KCNAB1: variants seen among roughly 807,000 people sequenced by gnomAD.
KCNAB1 encodes the protein potassium voltage-gated channel subfamily A regulatory beta subunit 1.
A neutral mutation model predicts 64.6 loss-of-function variants in KCNAB1; 35 were observed. The observed-to-expected ratio is 0.54, with a 90% CI of 0.41 to 0.72. The LOEUF is 0.72. KCNAB1 is among the 30% of genes least tolerant of loss of function. The probability of loss-of-function intolerance (pLI) is 0.00; values close to 1 mark genes in which losing one functional copy is unlikely to be tolerated. For missense variants in KCNAB1, 401 were observed against 512.9 expected (o/e 0.78, Z 2.11); for synonymous variants, 177 against 183.8 (o/e 0.96, Z 0.30).
chr3:156,294,619 T>G (rs1033562382), intron 1 of KCNAB1, among the ~76,000 whole-genome samples: 1 of 152,198 alleles, frequency 6.6e-6, no homozygotes, highest in African/African-American at 2.4e-5. Context: ...TGATAACAAA[T>G]AGCAGAATAT....
chr3:156,208,432 G>C lies in KCNAB1; in HGVS notation c.275+87546G>C, dbSNP rs570443788. On this transcript the variant is annotated intron_variant, in intron 1 of 13. Transcript: ENST00000490337. The stretch of plus-strand genomic sequence containing the variant: ...GTAGCAGTGTGGAGTTAAAAATAAC[G>C]ACATCTTGTGAGACTAGGAAGGAGG... Among the ~76,000 whole-genome samples, 9 of 152,230 alleles carry C rather than the reference G, an allele frequency of 5.9e-5. No individual in the cohort carries two copies. In the South Asian group the frequency reaches 1.7e-3, roughly 28 times the overall value.
At chr3:156,358,663 CTTTCCATTTTTTT>C (rs1298199703) in intron 1 of KCNAB1, among the ~76,000 whole-genome samples, 1 of 139,792 alleles carries the variant, frequency 7.2e-6, no homozygotes, top group East Asian at 1.9e-4. Flanking sequence ...GGGTTTTTCT[CTTTCCATTTTTTT>C]TTTTAATTGA....
At chr3:156,209,715 G>A (rs1714895576) in intron 1 of KCNAB1, among the ~76,000 whole-genome samples, 1 of 152,176 alleles carries the variant, frequency 6.6e-6, no homozygotes, top group African/African-American at 2.4e-5. Flanking sequence ...TTGTGTGGGG[G>A]CTGACAAACA....
At chr3:156,524,167 A>T in intron 12 of KCNAB1, 1 of 478,040 alleles carries the variant, frequency 2.1e-6, no homozygotes, top group Non-Finnish European at 3.7e-6. Flanking sequence ...TGCTCTTATA[A>T]CATAGTTTAA....
intron 5 of KCNAB1, among the ~76,000 whole-genome samples, chr3:156,462,799 C>G (rs897030396): frequency 3.9e-5 from 6 of 152,184 alleles, no homozygotes; most frequent in African/African-American, 1.4e-4. Context: ...TTCTCTAGAC[C>G]AGTGCGATCA....
intron 1 of KCNAB1, among the ~76,000 whole-genome samples, chr3:156,259,062 AC>A: frequency 6.6e-6 from 1 of 152,216 alleles, no homozygotes. Context: ...CTGTAAATGA[AC>A]CTAGCAACAT....
chr3:156,321,944 C>G (rs532511016), intron 1 of KCNAB1, among the ~76,000 whole-genome samples: 1 of 152,244 alleles, frequency 6.6e-6, no homozygotes, highest in South Asian at 2.1e-4. Context: ...TCAAAACTAC[C>G]CTTGAAAATA....
In KCNAB1 at chr3:156,344,011, T is replaced by G. The variant is rs1392814628; in HGVS notation, c.276-77605T>G. The stretch of plus-strand genomic sequence containing the variant: ...GCTAAAACCACGTCTTGATTACATG[T>G]CTTCTTTTCTGATACCCAGTCAGCC... On this transcript the variant is annotated intron_variant, in intron 1 of 13. Transcript: ENST00000490337. Among the ~76,000 whole-genome samples, 3 of 152,152 alleles carry G rather than the reference T, an allele frequency of 2.0e-5. No homozygotes were observed. In the East Asian group the frequency reaches 5.8e-4, roughly 29 times the overall value.
intron 1 of KCNAB1, among the ~76,000 whole-genome samples, chr3:156,392,772 T>G (rs1243159177): frequency 3.9e-5 from 6 of 152,264 alleles, no homozygotes; most frequent in Non-Finnish European, 7.3e-5. Context: ...TTATATTATC[T>G]AACTTTAAAC....
chr3:156,158,962 G>GT (rs1715915921), intron 1 of KCNAB1, among the ~76,000 whole-genome samples: 2 of 152,102 alleles, frequency 1.3e-5, no homozygotes, highest in African/African-American at 4.8e-5. Context: ...GACTTCTGTA[G>GT]CTTCTGTGCT....
At chr3:156,292,807 T>C (rs1234583476) in intron 1 of KCNAB1, among the ~76,000 whole-genome samples, 1 of 152,242 alleles carries the variant, frequency 6.6e-6, no homozygotes, top group Non-Finnish European at 1.5e-5. Flanking sequence ...CCTCCCAAAG[T>C]GCTGGGATTA....
chr3:156,385,495 T>G (rs1257822938), intron 1 of KCNAB1, among the ~76,000 whole-genome samples: 1 of 149,592 alleles, frequency 6.7e-6, no homozygotes, highest in Non-Finnish European at 1.5e-5. Flanking sequence ...ACAATAAAAA[T>G]AATTATTTTA....
At chr3:156,441,366 A>C (rs4680272) in intron 2 of KCNAB1, 23 of 151,880 alleles carry the variant, frequency 1.5e-4, no homozygotes, top group African/African-American at 5.3e-4. Context: ...ATAAAAGAGG[A>C]CACATTGACT....
At chr3:156,312,691 T>G (rs1225842195) in intron 1 of KCNAB1, among the ~76,000 whole-genome samples, 1 of 78,024 alleles carries the variant, frequency 1.3e-5, no homozygotes, top group East Asian at 3.1e-4. Flanking sequence ...GGTGACAGAG[T>G]GAGACTGTCT....
intron 2 of KCNAB1, among the ~76,000 whole-genome samples, chr3:156,440,251 T>C (rs1224463692): frequency 1.3e-5 from 2 of 152,268 alleles, no homozygotes; most frequent in African/African-American, 2.4e-5. Flanking sequence ...AAAATATTTA[T>C]ATTTTTTGAT....
intron 1 of KCNAB1, among the ~76,000 whole-genome samples, chr3:156,298,870 T>C (rs1720968132): frequency 6.6e-6 from 1 of 152,222 alleles, no homozygotes; most frequent in Non-Finnish European, 1.5e-5. Flanking sequence ...AACCAGTTTT[T>C]CACTTTTTTA....
At position 156,143,991 on chromosome 3, in the gene KCNAB1, A is replaced by T. The variant is rs529749869; in HGVS notation, c.275+23105A>T. 4.6e-5 allele frequency among the ~76,000 whole-genome samples: 7 copies of T among 152,068 alleles called. No individual in the cohort carries two copies. The East Asian group carries it at 1.3e-3, about 29-fold the overall frequency. On this transcript the variant is annotated intron_variant, in intron 1 of 13. Coordinates refer to ENST00000490337, the MANE Select transcript of KCNAB1 (RefSeq NM_172160.3). The stretch of plus-strand genomic sequence containing the variant: ...ATTACTGGTTGTACACTAAACTTCC[A>T]ATATCATTATTTATTTTATGAAAGA...
chr3:156,136,378 A>AT (rs1437229608), intron 1 of KCNAB1, among the ~76,000 whole-genome samples: 1 of 152,208 alleles, frequency 6.6e-6, no homozygotes, highest in African/African-American at 2.4e-5. Context: ...TAGTGGCAAG[A>AT]TTTGAACCCA....
chr3:156,162,629 T>G (rs531316875), intron 1 of KCNAB1, among the ~76,000 whole-genome samples: 2 of 152,318 alleles, frequency 1.3e-5, no homozygotes, highest in Admixed American at 6.5e-5. Flanking sequence ...TCTGTGAAAT[T>G]CCTTCAGATA....
Sources: allele counts gnomAD v4.1 joint callset (sites outside exome capture counted in the v4.1 genomes callset), GRCh38; gene constraint gnomAD v4.1.1; transcripts MANE v1.5; gene names NCBI Gene and HGNC (gene_info 2026-07-23, HGNC 2026-07-21).